CFAP20DC: variants seen among roughly 807,000 people sequenced by gnomAD.
CFAP20DC encodes CFAP20 domain containing, also known as protein CFAP20DC.
In CFAP20DC, 84 loss-of-function variants were observed where a neutral mutation model predicts 101.7. The ratio of observed to expected loss-of-function variants is 0.83; its 90% CI spans 0.69 to 0.99. The LOEUF is 0.99. Ranked by LOEUF, CFAP20DC falls within the 50% of genes least tolerant of loss-of-function variation. The pLI is 0.00. For synonymous variants in CFAP20DC, 359 were observed against 351.2 expected, an observed-to-expected ratio of 1.02 and a Z score of -0.25; for missense variants, 1,007 against 970.3, an observed-to-expected ratio of 1.04 and a Z score of -0.50.
At chr3:58,908,989 G>A (rs1379901929) in intron 6 of CFAP20DC, among the ~76,000 whole-genome samples, 1 of 152,100 alleles carries the variant, frequency 6.6e-6, no homozygotes, top group Non-Finnish European at 1.5e-5. Context: ...GTTGCCAGGG[G>A]TTAGGGGAAG....
chr3:58,926,485 A>G (rs2085989536), intron 5 of CFAP20DC, among the ~76,000 whole-genome samples: 1 of 152,260 alleles, frequency 6.6e-6, no homozygotes, highest in South Asian at 2.1e-4. Context: ...ATTCTAGGTT[A>G]GAATGACATC....
rs778945576 is a variant in CFAP20DC, at chr3:58,856,297, CACACACACACACACACAT to C, written c.1594-6906_1594-6889del. On this transcript the variant is annotated intron_variant, in intron 12 of 16. Transcript: ENST00000482387. ...ACACACACACACACACACACACACA[CACACACACACACACACAT>C]AACTGATGGAGATACTTATCTTTCA... Among the ~76,000 whole-genome samples, 117 of 150,372 alleles carry C rather than the reference CACACACACACACACACAT, an allele frequency of 7.8e-4. 3 individuals are homozygous for C. Among genetic ancestry groups the C allele is most frequent in the African/African-American group, 2.7e-3 (108 of 40,170 alleles).
At position 58,863,544 on chromosome 3, in the gene CFAP20DC, A is replaced by G; in HGVS notation, c.1593+14T>C. Reference sequence around the variant, plus strand: ...ACTGTGCTTCAAGACTACTTCACTTATCAAGCAGTGTACCTCTTCACTGCT... The same window carrying G: ...ACTGTGCTTCAAGACTACTTCACTTGTCAAGCAGTGTACCTCTTCACTGCT... On this transcript the variant is annotated intron_variant, in intron 12 of 16. Coordinates refer to ENST00000482387, the MANE Select transcript of CFAP20DC (RefSeq NM_001394063.1). This position sits in a 1 kb window ranked among gnomAD's most constrained non-coding sequence, Gnocchi z 5.9. The G allele has an allele frequency of 6.2e-7, 1 of 1,613,250 alleles. No individual in the cohort carries two copies. The highest frequency in any genetic ancestry group is 1.1e-5 in the South Asian group (1 of 90,988).
intron 5 of CFAP20DC, among the ~76,000 whole-genome samples, chr3:58,915,419 T>C (rs1477529205): frequency 6.6e-6 from 1 of 152,144 alleles, no homozygotes; most frequent in African/African-American, 2.4e-5. Context: ...ATTATTATTG[T>C]TGTATAAACG....
In CFAP20DC at chr3:59,001,433, T is replaced by G. The variant is rs1451661715; in HGVS notation, c.278+38124A>C. On this transcript the variant is annotated intron_variant, in intron 4 of 16. Transcript: ENST00000482387. This position sits in a 1 kb window ranked among gnomAD's most constrained non-coding sequence, Gnocchi z 4.5. ...CCTTCTCTCTCTCCTCTCTTAAGTTTCACACTTATTGTCCAGGCTGGAGTG... is the reference window on the plus strand; with the variant it reads ...CCTTCTCTCTCTCCTCTCTTAAGTTGCACACTTATTGTCCAGGCTGGAGTG... 6.6e-6 allele frequency among the ~76,000 whole-genome samples: 1 copy of G among 152,122 alleles called. No homozygotes were observed. The highest frequency in any genetic ancestry group is 1.5e-5 in the Non-Finnish European group (1 of 68,016).
At chr3:58,930,164 G>A (rs1231708992) in intron 5 of CFAP20DC, among the ~76,000 whole-genome samples, 1 of 152,116 alleles carries the variant, frequency 6.6e-6, no homozygotes, top group Non-Finnish European at 1.5e-5. Context: ...GAAAAGGTCT[G>A]TTTACATACA....
intron 16 of CFAP20DC, among the ~76,000 whole-genome samples, chr3:58,752,603 G>A (rs2068651661): frequency 6.6e-6 from 1 of 152,076 alleles, no homozygotes; most frequent in South Asian, 2.1e-4. Context: ...TTCCCTCACA[G>A]CAAGGTCTCC....
intron 14 of CFAP20DC, among the ~76,000 whole-genome samples, chr3:58,823,940 T>C (rs1040862378): frequency 4.6e-5 from 7 of 152,152 alleles, no homozygotes; most frequent in Admixed American, 3.9e-4. Flanking sequence ...TAAAATGTAA[T>C]AGACAGTACT....
chr3:58,904,739 G>C (rs545492732), intron 6 of CFAP20DC, among the ~76,000 whole-genome samples: 2 of 152,218 alleles, frequency 1.3e-5, no homozygotes, highest in South Asian at 4.1e-4. Context: ...ACTTCCATGG[G>C]CTTTCTTTTC....
intron 14 of CFAP20DC, among the ~76,000 whole-genome samples, chr3:58,808,192 C>G (rs2074276422): frequency 6.6e-6 from 1 of 152,112 alleles, no homozygotes; most frequent in Non-Finnish European, 1.5e-5. Context: ...GGCTAACATT[C>G]AGATTCAGGA....
At chr3:58,825,723 T>G (rs933085440) in intron 14 of CFAP20DC, among the ~76,000 whole-genome samples, 1 of 152,188 alleles carries the variant, frequency 6.6e-6, no homozygotes, top group Non-Finnish European at 1.5e-5. Flanking sequence ...AATTGATTGA[T>G]TGTAGCCTGG....
In CFAP20DC at chr3:58,866,573, A is replaced by T. The variant is rs376683655; in HGVS notation, c.1251T>A (p.Asp417Glu). 123 of 1,609,576 alleles carry T rather than the reference A, an allele frequency of 7.6e-5. No homozygotes were observed. The highest frequency in any genetic ancestry group is 9.8e-5 in the Non-Finnish European group (115 of 1,178,332). The stretch of plus-strand genomic sequence containing the variant: ...TGTAATAAAGATGCCAACCTGATTG[A>T]TCAGGAGACTGGGGTCCTAGAGTGC... The part of the protein sequence containing the change: ...NSGTLGPQSP[D>E]QSDEWIFPEN... The change falls in exon 11 of 17, where the codon GAT becomes GAA. Residue 417 changes from aspartate to glutamate, a missense_variant. By Grantham distance (45) the Asp-to-Glu change is conservative (BLOSUM62 2). Transcript: ENST00000482387.
rs2079450084 is a variant in CFAP20DC at position 58,863,828 on chromosome 3, T to C, written c.1323A>G (p.Leu441=). ...GGTTGCAGGAGTCATCACCCAGAAGTAGAGACTGTCTGCTGGATGCCAGAT... is the reference window on the plus strand; with the variant it reads ...GGTTGCAGGAGTCATCACCCAGAAGCAGAGACTGTCTGCTGGATGCCAGAT... The part of the protein sequence containing the change: ...ISYLASSRQS[L]LLGDDSCNPS... Residue 441 remains leucine (L), a synonymous_variant, in exon 12 of 17, where the codon CTA becomes CTG. Transcript: ENST00000482387. The surrounding 1 kb of genome is among the most constrained non-coding windows in gnomAD (Gnocchi z 5.9). 2 of 1,614,148 alleles carry C rather than the reference T, an allele frequency of 1.2e-6. No homozygotes were observed. Among genetic ancestry groups the C allele is most frequent in the Middle Eastern group, 3.3e-4 (2 of 6,062 alleles).
Position 59,007,075 on chromosome 3 carries a change from C to T in CFAP20DC, c.278+32482G>A, listed in dbSNP as rs1576681985. On this transcript the variant is annotated intron_variant, in intron 4 of 16. Coordinates refer to ENST00000482387, the MANE Select transcript of CFAP20DC (RefSeq NM_001394063.1). This position sits in a 1 kb window ranked among gnomAD's most constrained non-coding sequence, Gnocchi z 4.4. Reference sequence around the variant, plus strand: ...GAGGCCTTTTGCTACTGGATGTCACCCACTTCCCTGGCAAACTATACTGCA... The same window carrying T: ...GAGGCCTTTTGCTACTGGATGTCACTCACTTCCCTGGCAAACTATACTGCA... 6.6e-6 allele frequency among the ~76,000 whole-genome samples: 1 copy of T among 152,074 alleles called. No homozygotes were observed. The highest frequency in any genetic ancestry group is 1.5e-5 in the Non-Finnish European group (1 of 68,004).
At chr3:58,792,293 G>C (rs565099158) in intron 15 of CFAP20DC, among the ~76,000 whole-genome samples, 50 of 152,140 alleles carry the variant, frequency 3.3e-4, no homozygotes, top group African/African-American at 1.0e-3. Flanking sequence ...ATTTGCGTTT[G>C]GGCTAGATAC....
chr3:58,851,937 GT>G (rs1396717936), intron 12 of CFAP20DC, among the ~76,000 whole-genome samples: 1 of 152,170 alleles, frequency 6.6e-6, no homozygotes, highest in Non-Finnish European at 1.5e-5. Context: ...GCTTTTGTGG[GT>G]GTTTTTCAGC....
chr3:58,832,465 G>C (rs1433865793), intron 13 of CFAP20DC, among the ~76,000 whole-genome samples: 3 of 149,444 alleles, frequency 2.0e-5, no homozygotes, highest in African/African-American at 4.9e-5. Flanking sequence ...ACTCAAAGTA[G>C]TTTTTTTTTT....
rs959293195 is a variant in CFAP20DC, at chr3:58,799,697, C to T, written c.2237+6698G>A. 3.3e-5 allele frequency among the ~76,000 whole-genome samples: 5 copies of T among 150,526 alleles called. No individual in the cohort carries two copies. Among genetic ancestry groups the T allele is most frequent in the African/African-American group, 9.8e-5 (4 of 40,710 alleles). On this transcript the variant is annotated intron_variant, in intron 15 of 16. Transcript: ENST00000482387. This position sits in a 1 kb window ranked among gnomAD's most constrained non-coding sequence, Gnocchi z 4.9. The stretch of plus-strand genomic sequence containing the variant: ...TGCATGCAGTTTACATTCCAGCATT[C>T]GAGAAGGAGCAGTGTGTGTGTGTCT...
chr3:59,027,737 T>C lies in CFAP20DC; in HGVS notation c.278+11820A>G, dbSNP rs147076094. On this transcript the variant is annotated intron_variant, in intron 4 of 16. Coordinates refer to ENST00000482387, the MANE Select transcript of CFAP20DC (RefSeq NM_001394063.1). The stretch of plus-strand genomic sequence containing the variant: ...TTTCAAGATGCAGTTGCTTCTTTTC[T>C]AAGAGCTCATGTTTGTAGTGCTCCT... Among the ~76,000 whole-genome samples the C allele has an allele frequency of 7.2e-4, 109 of 152,338 alleles. No homozygotes were observed. The East Asian group carries it at 0.018, about 25-fold the overall frequency.
Sources: gnomAD v4.1 joint callset for allele counts (sites outside exome capture counted in the v4.1 genomes callset) on GRCh38, gnomAD v4.1.1 for gene constraint, Gnocchi (gnomAD v3.1) non-coding constraint, MANE v1.5 for transcripts, NCBI Gene and HGNC (gene_info 2026-07-23, HGNC 2026-07-21) for gene names.